Variants in RBM17 observed in about 807,000 individuals in gnomAD.
RBM17 encodes the protein RNA binding motif protein 17, also known as splicing factor 45.
In RBM17, 7 loss-of-function variants were observed where a neutral mutation model predicts 53.2. The ratio of observed to expected loss-of-function variants is 0.13; its 90% CI spans 0.07 to 0.25. The LOEUF (loss-of-function observed/expected upper bound fraction) is 0.25, where lower values mean the gene tolerates loss of function less well. RBM17 is among the 10% of genes least tolerant of loss of function. The pLI is 1.00. For missense variants in RBM17, 257 were observed against 496.7 expected, an observed-to-expected ratio of 0.52 and a Z score of 4.59; for synonymous variants, 167 against 178.1, an observed-to-expected ratio of 0.94 and a Z score of 0.50.
At chr10:6,113,609 T>A in intron 9 of RBM17, 28 bp downstream of exon 9, 1 of 1,473,430 alleles carries the variant, frequency 6.8e-7, no homozygotes, top group Non-Finnish European at 9.5e-7. Flanking sequence ...GCAAGCTCTC[T>A]GCCTGCCTAG....
intron 9 of RBM17, 179 bp downstream of exon 9, chr10:6,113,760 G>C (rs1840872588): frequency 1.7e-6 from 1 of 602,540 alleles, no homozygotes; most frequent in Non-Finnish European, 2.9e-6. Context: ...TCTTTGCTAA[G>C]TACAGTGTTT....
intron 2 of RBM17, among the ~76,000 whole-genome samples, chr10:6,097,636 G>A (rs1010619095): frequency 6.6e-6 from 1 of 152,180 alleles, no homozygotes; most frequent in Non-Finnish European, 1.5e-5. Context: ...GCGCCACTGC[G>A]CTCCAGCCTG....
At position 6,115,475 on chromosome 10, in the gene RBM17, G is replaced by A. The variant is rs762130216; in HGVS notation, c.1125G>A (p.Arg375=). The A allele has an allele frequency of 5.6e-6, 9 of 1,613,426 alleles. No homozygotes were observed. In the South Asian group the frequency reaches 8.8e-5, roughly 16 times the overall value. Residue 375 remains arginine, a synonymous_variant, in exon 12 of 12, where the codon AGG becomes AGA. Transcript: ENST00000379888. ...CAGCGGTTGTTGACTTGAATGGGAG[G>A]TATTTTGGTGGACGGGTGGTAAAAG... ...AIKAVVDLNG[R]YFGGRVVKAC... is the part of the protein sequence containing the mutation.
rs193277433 is a variant in RBM17 at position 6,111,661 on chromosome 10, G to A, written c.705-549G>A. 1.4e-3 allele frequency among the ~76,000 whole-genome samples: 216 copies of A among 152,282 alleles called. 1 individual carries two copies. The highest frequency in any genetic ancestry group is 2.5e-3 in the Non-Finnish European group (170 of 68,022). On this transcript the variant is annotated intron_variant, in intron 7 of 11. Transcript: ENST00000379888. ...AGCCTGTACAAATAATTTCTAATAT[G>A]GCGTCTTGCATTACTTCTAAGTCCA... is the stretch of plus-strand genomic sequence containing the variant.
chr10:6,102,259 C>T (rs1248726705), intron 3 of RBM17, among the ~76,000 whole-genome samples: 3 of 152,168 alleles, frequency 2.0e-5, no homozygotes, highest in Non-Finnish European at 2.9e-5. Flanking sequence ...CGCGCCTGTC[C>T]TCCCCACCAC....
Position 6,115,688 on chromosome 10 carries a change from G to A in RBM17, c.*132G>A, listed in dbSNP as rs1840903922. 3.5e-6 allele frequency: 2 copies of A among 573,000 alleles called. No individual in the cohort carries two copies. 35.5% of individuals were successfully genotyped at this position (573,000 alleles called of 1,614,324 possible). A position where few individuals can be genotyped will look rare whatever the true frequency, so the allele number is the denominator to read the frequency against. On this transcript the variant is annotated 3_prime_UTR_variant, in exon 12 of 12. Coordinates refer to ENST00000379888, the MANE Select transcript of RBM17 (RefSeq NM_032905.5). ...TCTTGGAAGGACTTCTAAGATATATGTTGATTGATCCCTTTTTTATTTTGT... is the reference window on the plus strand; with the variant it reads ...TCTTGGAAGGACTTCTAAGATATATATTGATTGATCCCTTTTTTATTTTGT...
At chr10:6,110,315 A>G (rs1444619418) in intron 7 of RBM17, among the ~76,000 whole-genome samples, 188 bp downstream of exon 7, 1 of 152,120 alleles carries the variant, frequency 6.6e-6, no homozygotes, top group Non-Finnish European at 1.5e-5. Flanking sequence ...CAAAACAGCA[A>G]CCTCCCAGTA....
At chr10:6,099,684 T>C (rs530406832) in intron 2 of RBM17, among the ~76,000 whole-genome samples, 1 of 152,330 alleles carries the variant, frequency 6.6e-6, no homozygotes, top group South Asian at 2.1e-4. Context: ...TTCTTAATAT[T>C]TTCAGCCTGG....
rs910185638 is a variant in RBM17 at position 6,104,857 on chromosome 10, G to C, written c.241-74G>C. The C allele has an allele frequency of 2.0e-5, 26 of 1,301,742 alleles. No individual in the cohort carries two copies. In the African/African-American group the frequency reaches 2.5e-4, roughly 13 times the overall value. 80.6% of individuals were successfully genotyped at this position (1,301,742 alleles called of 1,614,324 possible). A position where few individuals can be genotyped will look rare whatever the true frequency, so the allele number is the denominator to read the frequency against. The stretch of plus-strand genomic sequence containing the variant: ...TTCAGAGTCCTTTTATCTCCCATAC[G>C]CTTTGACCTGAATCCTGTGAGTAAA... On this transcript the variant is annotated intron_variant, in intron 3 of 11. Coordinates refer to ENST00000379888, the MANE Select transcript of RBM17 (RefSeq NM_032905.5).
At chr10:6,096,968 A>G in intron 1 of RBM17, 80 bp from the exon 2 acceptor site, 8 of 1,413,278 alleles carry the variant, frequency 5.7e-6, no homozygotes, top group Non-Finnish European at 7.7e-6. Context: ...TTACCTCTAA[A>G]ATTTCATGAT....
intron 4 of RBM17, 93 bp from the exon 5 acceptor site, chr10:6,106,048 T>G (rs1314003349): frequency 6.2e-6 from 5 of 812,922 alleles, no homozygotes; most frequent in Non-Finnish European, 1.0e-5. Context: ...GTGACAGGAT[T>G]TGGATATCTT....
intron 2 of RBM17, among the ~76,000 whole-genome samples, chr10:6,099,451 C>T (rs573258891): frequency 5.3e-4 from 81 of 152,204 alleles, no homozygotes; most frequent in Non-Finnish European, 9.3e-4. Context: ...TTGGTGTCCA[C>T]AGGGGATTGG....
At position 6,112,499 on chromosome 10, in the gene RBM17, C is replaced by CA. The variant is rs1564569967; in HGVS notation, c.856+139dup. ...AGAGGGAGAGGGCTGGCCCTGCCATCACTAGAACACAGGCCGTCCTGTTCA... is the reference window on the plus strand; with the variant it reads ...AGAGGGAGAGGGCTGGCCCTGCCATCAACTAGAACACAGGCCGTCCTGTTCA... On this transcript the variant is annotated intron_variant, in intron 8 of 11. Transcript: ENST00000379888. The surrounding 1 kb of genome is among the most constrained non-coding windows in gnomAD (Gnocchi z 4.4). 2.0e-6 allele frequency: 2 copies of CA among 1,004,422 alleles called. No homozygotes were observed. The highest frequency in any genetic ancestry group is 2.1e-5 in the Admixed American group (1 of 48,776). The allele number at this position is 1,004,422 out of a possible 1,614,324, so 62.2% of individuals were successfully genotyped here.
At chr10:6,109,944 TC>T in intron 6 of RBM17, 41 bp from the exon 7 acceptor site, 1 of 1,525,388 alleles carries the variant, frequency 6.6e-7, no homozygotes, top group Non-Finnish European at 8.9e-7. Flanking sequence ...CAGAGTGTTT[TC>T]TATAGTATTT....
chr10:6,115,225 T>G lies in RBM17; in HGVS notation c.1030-14T>G, dbSNP rs1221452751. ...TCAAATGCCTTTACTCATCACGCTC[T>G]CATTTTCTTCCAGATTCCTGGTGCC... On this transcript the variant is annotated splice_polypyrimidine_tract_variant and intron_variant, in intron 10 of 11. Transcript: ENST00000379888. 5 of 1,607,790 alleles carry G rather than the reference T, an allele frequency of 3.1e-6. No individual in the cohort carries two copies. Among genetic ancestry groups the G allele is most frequent in the Non-Finnish European group, 4.2e-6 (5 of 1,177,406 alleles).
chr10:6,096,100 T>C (rs956429832), intron 1 of RBM17, among the ~76,000 whole-genome samples: 2 of 152,244 alleles, frequency 1.3e-5, no homozygotes, highest in Admixed American at 1.3e-4. Flanking sequence ...GGTTTCTGTT[T>C]AAATTAAGTT....
At chr10:6,104,782 C>A in intron 3 of RBM17, 149 bp from the exon 4 acceptor site, 1 of 613,286 alleles carries the variant, frequency 1.6e-6, no homozygotes, top group African/African-American at 1.8e-5. Flanking sequence ...GTGGCCTTGT[C>A]TGGTATTTGT....
rs968149177 is a variant in RBM17 at position 6,099,600 on chromosome 10, A to G, written c.124-1671A>G. On this transcript the variant is annotated intron_variant, in intron 2 of 11. Coordinates refer to ENST00000379888, the MANE Select transcript of RBM17 (RefSeq NM_032905.5). ...TGGATTGCTTGCAATACCTAACACA[A>G]TGTAAATGCTGTGTAAAAAGTTGTT... Among the ~76,000 whole-genome samples, 26 of 152,164 alleles carry G rather than the reference A, an allele frequency of 1.7e-4. 1 individual carries two copies. The highest frequency in any genetic ancestry group is 5.2e-4 in the Admixed American group (8 of 15,276).
chr10:6,107,477 C>CCCCTTTT (rs1287413283), intron 5 of RBM17, among the ~76,000 whole-genome samples: 1 of 27,574 alleles, frequency 3.6e-5, no homozygotes, highest in African/African-American at 8.7e-5. Context: ...TGCACCCGGC[C>CCCCTTTT]TCTTTTTTTT....
Sources: gnomAD v4.1 joint callset for allele counts (sites outside exome capture counted in the v4.1 genomes callset) on GRCh38, gnomAD v4.1.1 for gene constraint, Gnocchi (gnomAD v3.1) non-coding constraint, MANE v1.5 for transcripts, NCBI Gene and HGNC (gene_info 2026-07-23, HGNC 2026-07-21) for gene names.